ANKRD36: variants seen among roughly 807,000 people sequenced by gnomAD.
ANKRD36 encodes the protein ankyrin repeat domain 36, also known as ankyrin repeat domain-containing protein 36A.
ANKRD36 carries 179 observed loss-of-function variants against 278.1 expected under a neutral mutation model. The ratio of observed to expected loss-of-function variants is 0.64; its 90% CI spans 0.57 to 0.73. The LOEUF (loss-of-function observed/expected upper bound fraction) is 0.73. ANKRD36 is among the 30% of genes least tolerant of loss of function. ANKRD36 has a pLI of 0.00. For missense variants in ANKRD36, 1,159 were observed against 1,956.7 expected (o/e 0.59, Z 7.69); for synonymous variants, 320 against 641.1 (o/e 0.50, Z 7.57).
intron 54 of ANKRD36, 50 bp from the exon 55 acceptor site, chr2:97,209,631 A>G: frequency 6.3e-7 from 1 of 1,578,872 alleles, no homozygotes; most frequent in Non-Finnish European, 8.6e-7. Context: ...TGTATGGATA[A>G]CTTTATCATA....
At chr2:97,171,546 T>G (rs2052499816) in intron 22 of ANKRD36, among the ~76,000 whole-genome samples, 1 of 89,694 alleles carries the variant, frequency 1.1e-5, no homozygotes, top group Non-Finnish European at 2.1e-5. Flanking sequence ...CTCTGGGGAC[T>G]GTGGTGGGGT....
intron 58 of ANKRD36, chr2:97,212,764 A>G: frequency 6.0e-6 from 1 of 167,704 alleles, no homozygotes; most frequent in Non-Finnish European, 1.3e-5. Context: ...CTTTGGTGCC[A>G]TGAGTGGATG....
At chr2:97,220,463 C>A (rs1320217216) in intron 66 of ANKRD36, among the ~76,000 whole-genome samples, 4 of 151,146 alleles carry the variant, frequency 2.6e-5, no homozygotes, top group African/African-American at 9.8e-5. Flanking sequence ...AAATTTCTCA[C>A]ACCCACAAAG....
At chr2:97,224,331 AG>A (rs2153658603) in intron 66 of ANKRD36, among the ~76,000 whole-genome samples, 1 of 151,738 alleles carries the variant, frequency 6.6e-6, no homozygotes, top group East Asian at 2.0e-4. Flanking sequence ...GGTTTGCTGA[AG>A]TTTTGGAGGA....
chr2:97,176,876 C>T (rs537816109), intron 22 of ANKRD36, among the ~76,000 whole-genome samples: 3 of 151,758 alleles, frequency 2.0e-5, no homozygotes, highest in African/African-American at 7.2e-5. Context: ...ATTTCTCCTT[C>T]ACTTATGAAG....
At chr2:97,150,274 A>G (rs2045561160) in intron 12 of ANKRD36, among the ~76,000 whole-genome samples, 1 of 151,882 alleles carries the variant, frequency 6.6e-6, no homozygotes, top group African/African-American at 2.4e-5. Context: ...TGTAATTAAA[A>G]AGAATCCACT....
At chr2:97,181,499 C>T in intron 24 of ANKRD36, 99 bp from the exon 25 acceptor site, 2 of 1,509,800 alleles carry the variant, frequency 1.3e-6, no homozygotes, top group Non-Finnish European at 1.8e-6. Flanking sequence ...TACACTAGTA[C>T]AGGCAGGAAG....
chr2:97,124,592 T>C lies in ANKRD36; in HGVS notation c.726T>C (p.Asn242=). 1 of 1,551,162 alleles carries C rather than the reference T, an allele frequency of 6.4e-7. No homozygotes were observed. The change falls in exon 5 of 76, where the codon AAT becomes AAC. Residue 242 remains asparagine, a synonymous_variant. Coordinates refer to ENST00000420699, the MANE Select transcript of ANKRD36 (RefSeq NM_001354587.1). ...GAGATTATGCCATTGAGGCTAAGAA[T>C]AGAGTGTAAGTCTTTACATAAAAAG... is the stretch of plus-strand genomic sequence containing the variant. ...IAGDYAIEAK[N]RVIFDLIYEY... is the part of the protein sequence containing the mutation.
intron 75 of ANKRD36, among the ~76,000 whole-genome samples, chr2:97,250,488 A>G (rs1483505538): frequency 1.7e-5 from 2 of 119,104 alleles, no homozygotes; most frequent in Non-Finnish European, 3.1e-5. Context: ...TGTTCTCACA[A>G]AACAAAGGCA....
intron 68 of ANKRD36, among the ~76,000 whole-genome samples, chr2:97,240,109 G>GTT (rs558152983): frequency 1.1e-5 from 1 of 89,054 alleles, no homozygotes; most frequent in African/African-American, 5.5e-5. Context: ...TATGGTTTGT[G>GTT]TTTTTTTAAA....
intron 4 of ANKRD36, among the ~76,000 whole-genome samples, chr2:97,123,764 T>C (rs1033101456): frequency 6.8e-6 from 1 of 146,566 alleles, no homozygotes; most frequent in African/African-American, 2.5e-5. Context: ...AGTAACATCA[T>C]ATATAATATA....
chr2:97,196,921 G>C, intron 42 of ANKRD36, 133 bp downstream of exon 42: 1 of 1,381,954 alleles, frequency 7.2e-7, no homozygotes, highest in South Asian at 1.4e-5. Flanking sequence ...TTCATTTGCA[G>C]TAGGTTCTTG....
intron 6 of ANKRD36, among the ~76,000 whole-genome samples, chr2:97,140,677 T>C (rs1487720509): frequency 4.6e-5 from 7 of 152,088 alleles, no homozygotes; most frequent in Non-Finnish European, 8.8e-5. Context: ...AAGTGTCTGA[T>C]ACATTTAACA....
At position 97,152,484 on chromosome 2, in the gene ANKRD36, T is replaced by C. The variant is rs948942601; in HGVS notation, c.1163-20T>C. ...TGTTCTATTGTTGATTTAAAATGCA[T>C]TTTACTTTTTCTTTAATAGTGCTTC... On this transcript the variant is annotated intron_variant, in intron 13 of 75. Transcript: ENST00000420699. The C allele has an allele frequency of 3.4e-4, 488 of 1,446,116 alleles. 32 individuals are homozygous for C. Among genetic ancestry groups the C allele is most frequent in the Admixed American group, 4.3e-4 (21 of 49,032 alleles). 89.6% of individuals were successfully genotyped at this position (1,446,116 alleles called of 1,614,324 possible).
At chr2:97,233,684 A>G (rs1191203121) in intron 67 of ANKRD36, 46 bp from the exon 68 acceptor site, 3 of 1,521,094 alleles carry the variant, frequency 2.0e-6, no homozygotes, top group South Asian at 2.6e-5. Flanking sequence ...TGTATATGCT[A>G]TAAATATTTT....
intron 62 of ANKRD36, chr2:97,215,747 A>G: frequency 9.8e-7 from 1 of 1,023,832 alleles, no homozygotes; most frequent in Non-Finnish European, 1.4e-6. Flanking sequence ...TTCAGCACAT[A>G]ACAGCCTCAG....
At chr2:97,209,405 G>A (rs2063746101) in intron 54 of ANKRD36, among the ~76,000 whole-genome samples, 1 of 146,574 alleles carries the variant, frequency 6.8e-6, no homozygotes, top group Non-Finnish European at 1.5e-5. Flanking sequence ...TCATCACTCG[G>A]CATATCCACA....
chr2:97,228,066 A>G (rs1266287423), intron 67 of ANKRD36, among the ~76,000 whole-genome samples: 6 of 152,082 alleles, frequency 3.9e-5, no homozygotes, highest in Admixed American at 6.6e-5. Flanking sequence ...TTTTGCATCA[A>G]TGTTCATTAA....
intron 22 of ANKRD36, among the ~76,000 whole-genome samples, chr2:97,179,231 C>G (rs1291449648): frequency 6.6e-6 from 1 of 151,462 alleles, no homozygotes; most frequent in Non-Finnish European, 1.5e-5. Flanking sequence ...TAGGACACTT[C>G]CACTGAAGAG....
Sources: allele counts gnomAD v4.1 joint callset (sites outside exome capture counted in the v4.1 genomes callset), GRCh38; gene constraint gnomAD v4.1.1; transcripts MANE v1.5; gene names NCBI Gene and HGNC (gene_info 2026-07-23, HGNC 2026-07-21).